Variants in CHN2 observed in about 807,000 individuals in gnomAD.
The protein encoded by CHN2 is chimerin 2.
Under a neutral mutation model 56.3 loss-of-function variants are expected in CHN2, and 35 were observed. The observed-to-expected ratio is 0.62, with a 90% CI of 0.47 to 0.82. The LOEUF is 0.82. Among genes scored for constraint, CHN2 ranks in the 40% least tolerant of loss-of-function variants. The pLI, the probability that CHN2 is intolerant of heterozygous loss-of-function variation, is 0.00. For synonymous variants in CHN2, 210 were observed against 212.8 expected (o/e 0.99, Z 0.12); for missense variants, 491 against 580.5 (o/e 0.85, Z 1.58).
chr7:29,427,945 G>A (rs1015849155), intron 6 of CHN2, among the ~76,000 whole-genome samples: 10 of 152,058 alleles, frequency 6.6e-5, no homozygotes, highest in Non-Finnish European at 1.0e-4. Flanking sequence ...TTGAACCTCC[G>A]CATCCGGCCA....
intron 7 of CHN2, among the ~76,000 whole-genome samples, chr7:29,488,762 A>G (rs1035560216): frequency 6.6e-6 from 1 of 151,858 alleles, no homozygotes; most frequent in Non-Finnish European, 1.5e-5. Context: ...TGGGAGTGCT[A>G]CTGGCATTTA....
chr7:29,489,850 G>A (rs1788458037), intron 7 of CHN2, among the ~76,000 whole-genome samples: 1 of 152,100 alleles, frequency 6.6e-6, no homozygotes, highest in Non-Finnish European at 1.5e-5. Flanking sequence ...ATGCAATCCT[G>A]ATGTGCTCAA....
chr7:29,174,204 G>A (rs1232576761), intron 2 of CHN2, among the ~76,000 whole-genome samples: 1 of 152,084 alleles, frequency 6.6e-6, no homozygotes, highest in Non-Finnish European at 1.5e-5. Flanking sequence ...TCTCATGGGA[G>A]CAAAAGCCTT....
intron 10 of CHN2, 101 bp from the exon 11 acceptor site, chr7:29,507,127 C>A: frequency 9.2e-7 from 1 of 1,091,854 alleles, no homozygotes; most frequent in Non-Finnish European, 1.3e-6. Flanking sequence ...TGAGACTTGT[C>A]AGGGAGCATT....
chr7:29,312,334 G>C (rs147390633), intron 1 of CHN2, among the ~76,000 whole-genome samples: 2 of 151,602 alleles, frequency 1.3e-5, no homozygotes, highest in East Asian at 1.9e-4. Context: ...CTTAATTTCC[G>C]TTCCCCTGAA....
intron 1 of CHN2, among the ~76,000 whole-genome samples, chr7:29,303,472 A>G (rs752460594): frequency 5.3e-5 from 8 of 152,142 alleles, no homozygotes; most frequent in East Asian, 3.9e-4. Flanking sequence ...GGCAAGTGCC[A>G]TGCCCCCTTC....
intron 1 of CHN2, among the ~76,000 whole-genome samples, chr7:29,332,732 A>T (rs753670965): frequency 1.3e-5 from 2 of 152,080 alleles, no homozygotes; most frequent in Non-Finnish European, 2.9e-5. Flanking sequence ...TTTGTGTGAG[A>T]TGATTTTGCC....
At chr7:29,359,876 A>G (rs1464446084) in intron 2 of CHN2, among the ~76,000 whole-genome samples, 1 of 152,214 alleles carries the variant, frequency 6.6e-6, no homozygotes, top group Non-Finnish European at 1.5e-5. Flanking sequence ...CCAAGTGCCA[A>G]TTAGGCAGCA....
intron 1 of CHN2, chr7:29,332,972 C>T (rs1796338364): frequency 6.6e-6 from 1 of 151,962 alleles, no homozygotes. Context: ...CACAGGGAGT[C>T]AGAAAGGAGG....
intron 7 of CHN2, among the ~76,000 whole-genome samples, chr7:29,489,920 C>T (rs546209340): frequency 6.6e-6 from 1 of 152,234 alleles, no homozygotes; most frequent in South Asian, 2.1e-4. Flanking sequence ...ATTAGCCTAT[C>T]CTGTTTTTCC....
chr7:29,312,867 C>T (rs1326916817), intron 1 of CHN2, among the ~76,000 whole-genome samples: 1 of 152,046 alleles, frequency 6.6e-6, no homozygotes, highest in Non-Finnish European at 1.5e-5. Context: ...AAATATACCA[C>T]CAGAATATGC....
intron 2 of CHN2, among the ~76,000 whole-genome samples, chr7:29,149,049 C>T (rs1793187515): frequency 6.6e-6 from 1 of 152,178 alleles, no homozygotes; most frequent in Non-Finnish European, 1.5e-5. Flanking sequence ...CTGTGCGACA[C>T]CAGGCGTGTT....
intron 1 of CHN2, among the ~76,000 whole-genome samples, chr7:29,259,051 T>C (rs115516315): frequency 6.8e-6 from 1 of 147,336 alleles, no homozygotes; most frequent in Admixed American, 6.8e-5. Flanking sequence ...GAATGGGCCA[T>C]GTTCAGTGGC....
chr7:29,419,694 G>A (rs1804137710), intron 6 of CHN2, among the ~76,000 whole-genome samples: 1 of 152,158 alleles, frequency 6.6e-6, no homozygotes, highest in Non-Finnish European at 1.5e-5. Context: ...CTTGACATTT[G>A]TCCAAAGATG....
intron 1 of CHN2, among the ~76,000 whole-genome samples, chr7:29,307,095 C>T (rs1031767283): frequency 9.2e-5 from 14 of 152,184 alleles, no homozygotes; most frequent in Non-Finnish European, 1.5e-5. Flanking sequence ...GCTGATTCGC[C>T]TTCAGCTAAA....
intron 6 of CHN2, among the ~76,000 whole-genome samples, chr7:29,408,327 G>T (rs1031490326): frequency 6.6e-6 from 1 of 152,184 alleles, no homozygotes; most frequent in African/African-American, 2.4e-5. Flanking sequence ...ATTGTCAAGT[G>T]CAGGGCTTGA....
Position 29,418,310 on chromosome 7 carries a change from T to C in CHN2, c.576+17482T>C, listed in dbSNP as rs79839304. Among the ~76,000 whole-genome samples the C allele has an allele frequency of 7.2e-3, 1,094 of 152,360 alleles. 16 individuals carry two copies. Among genetic ancestry groups the C allele is most frequent in the African/African-American group, 0.025 (1,021 of 41,594 alleles). ...GAGCAGGAACAGAAGCTGCGGAAAC[T>C]TCTCGCGGAAGCGCGGGGAGGAGGC... On this transcript the variant is annotated intron_variant, in intron 6 of 12. Coordinates refer to ENST00000222792, the MANE Select transcript of CHN2 (RefSeq NM_004067.4).
intron 11 of CHN2, among the ~76,000 whole-genome samples, chr7:29,507,983 A>G (rs1425260485): frequency 6.6e-6 from 1 of 152,194 alleles, no homozygotes; most frequent in African/African-American, 2.4e-5. Context: ...CTAGTCAGTT[A>G]AAGTCACAAG....
At position 29,154,607 on chromosome 7, in the gene CHN2, G is replaced by A. The variant is rs566105382; in HGVS notation, c.274+7647G>A. Among the ~76,000 whole-genome samples the A allele has an allele frequency of 2.0e-5, 3 of 152,310 alleles. No individual in the cohort carries two copies. In the East Asian group the frequency reaches 5.8e-4, roughly 29 times the overall value. ...CCAGCACTTTGGGAGGCCGAGGCAG[G>A]CAGATTTCTTGAGGTCAGGAGTTTG... On this transcript the variant is annotated intron_variant, in intron 2 of 6. Transcript: ENST00000439384.
Sources: gnomAD v4.1 joint callset for allele counts (sites outside exome capture counted in the v4.1 genomes callset) on GRCh38, gnomAD v4.1.1 for gene constraint, MANE v1.5 for transcripts, NCBI Gene and HGNC (gene_info 2026-07-23, HGNC 2026-07-21) for gene names.